Variants in NAV2 observed in about 807,000 individuals in gnomAD.
The protein encoded by NAV2 is helicase, APC down-regulated 1.
NAV2 carries 54 observed loss-of-function variants against 223.2 expected under a neutral mutation model. The observed-to-expected ratio is 0.24, with a 90% CI of 0.19 to 0.30. The LOEUF is 0.30. Among genes scored for constraint, NAV2 ranks in the 10% least tolerant of loss-of-function variants. NAV2 has a pLI of 1.00. For missense variants in NAV2, 2,806 were observed against 3,147.5 expected (o/e 0.89, Z 2.60); for synonymous variants, 1,279 against 1,239.3 (o/e 1.03, Z -0.67).
At chr11:19,475,227 G>A (rs1013940086) in intron 1 of NAV2, among the ~76,000 whole-genome samples, 6 of 152,170 alleles carry the variant, frequency 3.9e-5, no homozygotes, top group African/African-American at 1.4e-4. Flanking sequence ...GTAGCTGCTG[G>A]GCATGTTTTG....
chr11:19,408,350 T>C (rs7942552), intron 1 of NAV2, among the ~76,000 whole-genome samples: 4,913 of 152,210 alleles, frequency 0.032, 254 homozygotes, highest in African/African-American at 0.11. Context: ...ATTGAGATCA[T>C]GGAAAGGAGC....
chr11:19,393,474 G>A (rs1244382802), intron 1 of NAV2, among the ~76,000 whole-genome samples: 2 of 152,194 alleles, frequency 1.3e-5, no homozygotes, highest in African/African-American at 4.8e-5. Context: ...TTGATTTAGA[G>A]GGGAAGCTGC....
intron 1 of NAV2, among the ~76,000 whole-genome samples, chr11:19,831,219 G>T (rs2059909789): frequency 1.0e-5 from 1 of 96,452 alleles, no homozygotes; most frequent in African/African-American, 4.2e-5. Context: ...TTCCAGGAGT[G>T]TTGCGGGGGG....
intron 10 of NAV2, among the ~76,000 whole-genome samples, chr11:19,951,625 T>A (rs2047404998): frequency 6.6e-6 from 1 of 152,148 alleles, no homozygotes; most frequent in African/African-American, 2.4e-5. Context: ...TCTAAAAAGA[T>A]GGCCAGTGAA....
chr11:19,466,476 G>A (rs1448209591), intron 1 of NAV2, among the ~76,000 whole-genome samples: 3 of 152,242 alleles, frequency 2.0e-5, no homozygotes, highest in African/African-American at 7.2e-5. Flanking sequence ...GCCAAAGCCA[G>A]CTGCTGCTCA....
At chr11:19,525,496 C>T (rs1191399885) in intron 1 of NAV2, among the ~76,000 whole-genome samples, 1 of 152,128 alleles carries the variant, frequency 6.6e-6, no homozygotes, top group Non-Finnish European at 1.5e-5. Flanking sequence ...GATGTGGAAA[C>T]CACGCATCTT....
At chr11:20,030,378 C>A (rs1199620122) in intron 11 of NAV2, among the ~76,000 whole-genome samples, 4 of 152,150 alleles carry the variant, frequency 2.6e-5, no homozygotes, top group Non-Finnish European at 5.9e-5. Context: ...CCAAAAATAA[C>A]TTCTTAGAGT....
At chr11:19,972,008 T>A (rs2049295687) in intron 10 of NAV2, among the ~76,000 whole-genome samples, 1 of 152,142 alleles carries the variant, frequency 6.6e-6, no homozygotes, top group Non-Finnish European at 1.5e-5. Context: ...TGGCCCAAAC[T>A]TTTTTCTTTT....
chr11:19,555,267 G>C (rs567604136), intron 1 of NAV2, among the ~76,000 whole-genome samples: 1 of 152,332 alleles, frequency 6.6e-6, no homozygotes, highest in East Asian at 1.9e-4. Flanking sequence ...TGGTCCCCAG[G>C]TAGGTCTGGG....
chr11:19,896,753 T>G (rs2042014914), intron 6 of NAV2, among the ~76,000 whole-genome samples: 1 of 152,220 alleles, frequency 6.6e-6, no homozygotes, highest in Non-Finnish European at 1.5e-5. Context: ...TATTTCAACA[T>G]TTAGTCCCAA....
chr11:19,583,730 A>T (rs1349780337), intron 1 of NAV2, among the ~76,000 whole-genome samples: 1 of 152,190 alleles, frequency 6.6e-6, no homozygotes, highest in African/African-American at 2.4e-5. Flanking sequence ...GATGAAGCCC[A>T]CTTGATCGTG....
At chr11:19,617,109 A>G (rs1369494558) in intron 1 of NAV2, among the ~76,000 whole-genome samples, 1 of 152,170 alleles carries the variant, frequency 6.6e-6, no homozygotes, top group South Asian at 2.1e-4. Context: ...GGTAATACAG[A>G]TTTCTGACTG....
chr11:19,612,034 C>T (rs1472486633), intron 1 of NAV2, among the ~76,000 whole-genome samples: 7 of 152,248 alleles, frequency 4.6e-5, no homozygotes, highest in Non-Finnish European at 1.0e-4. Flanking sequence ...TCCCAAACCT[C>T]AATTATTGAC....
intron 1 of NAV2, among the ~76,000 whole-genome samples, chr11:19,442,227 C>G (rs1430151422): frequency 2.0e-5 from 3 of 152,268 alleles, no homozygotes; most frequent in African/African-American, 7.2e-5. Flanking sequence ...ATCCCAGAGG[C>G]CCTCTCAGAA....
intron 1 of NAV2, among the ~76,000 whole-genome samples, chr11:19,696,412 C>G (rs950352395): frequency 6.6e-6 from 1 of 152,234 alleles, no homozygotes; most frequent in Non-Finnish European, 1.5e-5. Context: ...GCCCAAAAAT[C>G]TATCTCATAT....
intron 10 of NAV2, among the ~76,000 whole-genome samples, chr11:19,951,619 A>T (rs931234029): frequency 6.6e-6 from 1 of 152,128 alleles, no homozygotes; most frequent in African/African-American, 2.4e-5. Context: ...TTCAATTCTA[A>T]AAAGATGGCC....
intron 1 of NAV2, among the ~76,000 whole-genome samples, chr11:19,679,491 T>A (rs1172898419): frequency 6.6e-6 from 1 of 152,116 alleles, no homozygotes; most frequent in Non-Finnish European, 1.5e-5. Context: ...CTTCATTTCC[T>A]TCCCCTTTGG....
In NAV2 at chr11:20,078,055, C is replaced by A. The variant is rs1374754002; in HGVS notation, c.5130C>A (p.Ala1710=). The change falls in exon 24 of 38, where the codon GCC becomes GCA. Residue 1710 remains alanine (A), a synonymous_variant. Coordinates refer to ENST00000349880, the MANE Select transcript of NAV2 (RefSeq NM_145117.5). The stretch of plus-strand genomic sequence containing the variant: ...TGCTAAAGAAACAGAACGCAGCTGC[C>A]CAGGCTGCCATTAATGGAGTAATTA... ...IELLKKQNAA[A]QAAINGVINT... The A allele has an allele frequency of 1.2e-6, 2 of 1,613,128 alleles. No homozygotes were observed. The highest frequency in any genetic ancestry group is 2.7e-5 in the African/African-American group (2 of 74,854).
chr11:19,715,836 G>A (rs2050261943), intron 1 of NAV2, among the ~76,000 whole-genome samples: 1 of 152,158 alleles, frequency 6.6e-6, no homozygotes, highest in South Asian at 2.1e-4. Flanking sequence ...TACTGATGGT[G>A]AACATAGTTT....
Sources: gnomAD v4.1 joint callset for allele counts (sites outside exome capture counted in the v4.1 genomes callset) on GRCh38, gnomAD v4.1.1 for gene constraint, MANE v1.5 for transcripts, NCBI Gene and HGNC (gene_info 2026-07-23, HGNC 2026-07-21) for gene names.